EFCC1: variants seen among roughly 807,000 people sequenced by gnomAD.
EFCC1 encodes the protein EF-hand and coiled-coil domain containing 1, also known as EF-hand and coiled-coil domain-containing protein 1.
In EFCC1, 50 loss-of-function variants were observed where a neutral mutation model predicts 52.1. The ratio of observed to expected loss-of-function variants is 0.96; its 90% CI spans 0.76 to 1.21. The LOEUF is 1.21. EFCC1 is among the 50% of genes most tolerant of loss of function. The probability of loss-of-function intolerance (pLI) is 0.00; values close to 1 mark genes in which losing one functional copy is unlikely to be tolerated. For synonymous variants in EFCC1, 399 were observed against 396.5 expected, an observed-to-expected ratio of 1.01 and a Z score of -0.08; for missense variants, 837 against 867.3, an observed-to-expected ratio of 0.97 and a Z score of 0.44.
intron 6 of EFCC1, 56 bp from the exon 7 acceptor site, chr3:129,038,775 C>A: frequency 6.3e-7 from 1 of 1,576,292 alleles, no homozygotes; most frequent in South Asian, 1.1e-5. Context: ...TTCCCATCGG[C>A]TGAACAGGGA....
chr3:129,004,136 A>G (rs1441573050), intron 2 of EFCC1, 59 bp downstream of exon 2: 3 of 1,398,912 alleles, frequency 2.1e-6, no homozygotes, highest in Non-Finnish European at 2.8e-6. Context: ...ATTTTCCCAA[A>G]CTTCGGGTGT....
rs144132700 is a variant in EFCC1, at chr3:129,037,053, G to A, written c.1529G>A (p.Arg510Gln). The change falls in exon 6 of 8, where the codon CGG (arginine) becomes CAG (glutamine). Residue 510 changes from arginine to glutamine, a missense_variant. Physicochemically the swap from Arg to Gln is conservative, Grantham distance 43 (BLOSUM62 1). Transcript: ENST00000683648. ...ELQMVETERV[R>Q]LSLLEEKLVD... Reference sequence around the variant, plus strand: ...CAGATGGTAGAGACCGAGAGGGTGCGGCTGTCCCTGCTGGAGGAGAAGCTG... The same window carrying A: ...CAGATGGTAGAGACCGAGAGGGTGCAGCTGTCCCTGCTGGAGGAGAAGCTG... 63 of 1,613,552 alleles carry A rather than the reference G, an allele frequency of 3.9e-5. No homozygotes were observed. In the African/African-American group the frequency reaches 4.8e-4, roughly 12 times the overall value.
Position 129,039,859 on chromosome 3 carries a change from C to T in EFCC1, c.*11C>T. On this transcript the variant is annotated 3_prime_UTR_variant, in exon 8 of 8. Coordinates refer to ENST00000683648, the MANE Select transcript of EFCC1 (RefSeq NM_001377500.1). ...CTCGTCTCCTGCTGAGGTTACTGGC[C>T]CACCCTGTGGGCACCCTGCTCAGCC... is the stretch of plus-strand genomic sequence containing the variant. The T allele has an allele frequency of 6.3e-7, 1 of 1,593,100 alleles. No individual in the cohort carries two copies.
Position 129,038,707 on chromosome 3 carries a change from G to C in EFCC1, c.1594-124G>C, listed in dbSNP as rs557885282. ...TAGGGGGCCAAGAAGCGATGAGGGTGGGGGAGGAGCTTTATCTGTCCCCAG... is the reference window on the plus strand; with the variant it reads ...TAGGGGGCCAAGAAGCGATGAGGGTCGGGGAGGAGCTTTATCTGTCCCCAG... On this transcript the variant is annotated intron_variant, in intron 6 of 7. Coordinates refer to ENST00000683648, the MANE Select transcript of EFCC1 (RefSeq NM_001377500.1). The C allele has an allele frequency of 4.9e-5, 44 of 899,300 alleles. 1 individual carries two copies. Among genetic ancestry groups the C allele is most frequent in the South Asian group, 4.2e-4 (29 of 68,924 alleles). The allele number at this position is 899,300 out of a possible 1,614,324, so 55.7% of individuals were successfully genotyped here. A position where few individuals can be genotyped will look rare whatever the true frequency, so the allele number is the denominator to read the frequency against.
chr3:129,023,369 T>G (rs546341755), intron 2 of EFCC1, among the ~76,000 whole-genome samples: 37 of 149,224 alleles, frequency 2.5e-4, no homozygotes, highest in African/African-American at 8.7e-4. Context: ...CAGGCTAGAG[T>G]GCAGGCTAGA....
rs1156889430 is a variant in EFCC1 at position 129,001,412 on chromosome 3, G to T, written c.-217G>T. The stretch of plus-strand genomic sequence containing the variant: ...TGGTGGCGCTGCCGGGGTCCCGGGG[G>T]TTCCTGGACCCCCTACCCCAGGCCC... On this transcript the variant is annotated 5_prime_UTR_variant, in exon 1 of 8. Coordinates refer to ENST00000683648, the MANE Select transcript of EFCC1 (RefSeq NM_001377500.1). Among the ~76,000 whole-genome samples the T allele has an allele frequency of 1.3e-5, 2 of 152,232 alleles. No homozygotes were observed. The highest frequency in any genetic ancestry group is 2.9e-5 in the Non-Finnish European group (2 of 68,032).
chr3:129,004,076 A>G lies in EFCC1; in HGVS notation c.979A>G (p.Arg327Gly), dbSNP rs1944945132. 1.3e-6 allele frequency: 2 copies of G among 1,497,536 alleles called. No homozygotes were observed. The highest frequency in any genetic ancestry group is 1.8e-6 in the Non-Finnish European group (2 of 1,129,820). The allele number at this position is 1,497,536 out of a possible 1,614,324, so 92.8% of individuals were successfully genotyped here. Residue 327 changes from arginine to glycine, a missense_variant and splice_region_variant, in exon 2 of 8, where the codon AGG (arginine) becomes GGG (glycine). Transcript: ENST00000683648. ...RRLEAELQRY[R>G]SEDSQLPTPQ... is the part of the protein sequence containing the mutation. Reference sequence around the variant, plus strand: ...GCTGGAGGCGGAGCTGCAACGCTACAGGTGAGCGGGGGCGCGTGCCCTGGG... The same window carrying G: ...GCTGGAGGCGGAGCTGCAACGCTACGGGTGAGCGGGGGCGCGTGCCCTGGG...
intron 2 of EFCC1, among the ~76,000 whole-genome samples, chr3:129,006,066 G>C (rs1945061909): frequency 6.6e-6 from 1 of 152,226 alleles, no homozygotes; most frequent in African/African-American, 2.4e-5. Flanking sequence ...GTTGTACAAG[G>C]TAGATGTTTT....
At chr3:129,019,314 G>A (rs1945727904) in intron 2 of EFCC1, among the ~76,000 whole-genome samples, 1 of 152,214 alleles carries the variant, frequency 6.6e-6, no homozygotes, top group South Asian at 2.1e-4. Context: ...TGAAGACAGG[G>A]ACCCAGCTTT....
chr3:129,040,071 G>T lies in EFCC1; in HGVS notation c.*223G>T. On this transcript the variant is annotated 3_prime_UTR_variant, in exon 8 of 8. Transcript: ENST00000683648. This position sits in a 1 kb window ranked among gnomAD's most constrained non-coding sequence, Gnocchi z 4.4. ...TCCTCCACATTACCTCGCAGCCCCTGCATTCCTGCCACCAGAGTCCACATT... is the reference window on the plus strand; with the variant it reads ...TCCTCCACATTACCTCGCAGCCCCTTCATTCCTGCCACCAGAGTCCACATT... 2.0e-6 allele frequency: 1 copy of T among 500,498 alleles called. No individual in the cohort carries two copies. Among genetic ancestry groups the T allele is most frequent in the East Asian group, 3.4e-5 (1 of 29,412 alleles). 31.0% of individuals were successfully genotyped at this position (500,498 alleles called of 1,614,324 possible).
chr3:129,039,691 C>T (rs748304455), intron 7 of EFCC1, 21 bp from the exon 8 acceptor site: 3 of 1,577,276 alleles, frequency 1.9e-6, no homozygotes, highest in Non-Finnish European at 2.6e-6. Context: ...CCTGCCCTCC[C>T]TGCCTGCTGT....
At chr3:129,019,920 C>T (rs1008486575) in intron 2 of EFCC1, among the ~76,000 whole-genome samples, 1 of 151,930 alleles carries the variant, frequency 6.6e-6, no homozygotes, top group South Asian at 2.1e-4. Flanking sequence ...AGGTACCCAC[C>T]ACCACGCCCG....
At chr3:129,034,578 G>A (rs1362724718) in intron 5 of EFCC1, among the ~76,000 whole-genome samples, 2 of 152,154 alleles carry the variant, frequency 1.3e-5, no homozygotes, top group African/African-American at 4.8e-5. Context: ...AGATGGTCTG[G>A]GCTTCAGGCA....
chr3:129,030,624 C>A, intron 2 of EFCC1, 79 bp from the exon 3 acceptor site: 1 of 1,453,716 alleles, frequency 6.9e-7, no homozygotes, highest in Non-Finnish European at 9.2e-7. Context: ...TGTTCATAGA[C>A]AGCTTGCCCA....
intron 5 of EFCC1, among the ~76,000 whole-genome samples, chr3:129,035,877 G>T (rs1018639068): frequency 2.0e-5 from 3 of 152,200 alleles, no homozygotes; most frequent in African/African-American, 7.2e-5. Context: ...CTGTGAAATG[G>T]GCATAATAAT....
chr3:129,022,076 C>T (rs535982113), intron 2 of EFCC1, among the ~76,000 whole-genome samples: 2 of 152,290 alleles, frequency 1.3e-5, no homozygotes. Context: ...GTGCTGGTGT[C>T]TAAGCATTTA....
chr3:129,001,538 C>T lies in EFCC1; in HGVS notation c.-91C>T. The T allele has an allele frequency of 7.5e-7, 1 of 1,341,806 alleles. No homozygotes were observed. Among genetic ancestry groups the T allele is most frequent in the Non-Finnish European group, 9.5e-7 (1 of 1,052,594 alleles). 83.1% of individuals were successfully genotyped at this position (1,341,806 alleles called of 1,614,324 possible). Reference sequence around the variant, plus strand: ...CAACCAGACCGCGACCGCTAAGCCCCTCCTTTCGAGAAACTCTGGGGCCGC... The same window carrying T: ...CAACCAGACCGCGACCGCTAAGCCCTTCCTTTCGAGAAACTCTGGGGCCGC... On this transcript the variant is annotated 5_prime_UTR_variant, in exon 1 of 8. Coordinates refer to ENST00000683648, the MANE Select transcript of EFCC1 (RefSeq NM_001377500.1).
rs1386017754 is a variant in EFCC1 at position 129,002,214 on chromosome 3, G to A, written c.586G>A (p.Asp196Asn). The change falls in exon 1 of 8, where the codon GAC becomes AAC. Residue 196 changes from aspartate to asparagine, a missense_variant. Asp to Asn is a conservative substitution (Grantham distance 23). Coordinates refer to ENST00000683648, the MANE Select transcript of EFCC1 (RefSeq NM_001377500.1). ...PCAPGPDSGP[D>N]CERVARLEEE... The stretch of plus-strand genomic sequence containing the variant: ...CGCGCCTGGCCCCGACAGCGGTCCT[G>A]ACTGTGAGCGCGTTGCGCGGCTGGA... 1 of 1,527,468 alleles carries A rather than the reference G, an allele frequency of 6.5e-7. No homozygotes were observed. Among genetic ancestry groups the A allele is most frequent in the African/African-American group, 1.4e-5 (1 of 70,818 alleles). 94.6% of individuals were successfully genotyped at this position (1,527,468 alleles called of 1,614,324 possible). A position where few individuals can be genotyped will look rare whatever the true frequency, so the allele number is the denominator to read the frequency against.
In EFCC1 at chr3:129,037,079, G is replaced by A; in HGVS notation, c.1555G>A (p.Val519Met). 2 of 1,612,502 alleles carry A rather than the reference G, an allele frequency of 1.2e-6. No homozygotes were observed. Among genetic ancestry groups the A allele is most frequent in the Non-Finnish European group, 8.5e-7 (1 of 1,179,546 alleles). ...VRLSLLEEKLVDVLQLLQRLR... is the reference protein window; with the variant it reads ...VRLSLLEEKLMDVLQLLQRLR... ...GCTGTCCCTGCTGGAGGAGAAGCTG[G>A]TGGACGTGCTGCAGCTCCTGCAGAG... The change falls in exon 6 of 8, where the codon GTG becomes ATG. Residue 519 changes from valine (V) to methionine (M), a missense_variant. Physicochemically the swap from Val to Met is conservative, Grantham distance 21. Transcript: ENST00000683648.
Sources: allele counts gnomAD v4.1 joint callset (sites outside exome capture counted in the v4.1 genomes callset), GRCh38; gene constraint gnomAD v4.1.1; non-coding constraint Gnocchi (gnomAD v3.1); transcripts MANE v1.5; gene names NCBI Gene and HGNC (gene_info 2026-07-23, HGNC 2026-07-21).